MTMR3: variants seen among roughly 807,000 people sequenced by gnomAD.
MTMR3 encodes myotubularin related protein 3, also known as phosphatidylinositol-3,5-bisphosphate 3-phosphatase MTMR3.
MTMR3 carries 32 observed loss-of-function variants against 132.4 expected under a neutral mutation model. The ratio of observed to expected loss-of-function variants is 0.24; its 90% CI spans 0.18 to 0.32. The LOEUF (loss-of-function observed/expected upper bound fraction) is 0.32, where lower values mean the gene tolerates loss of function less well. MTMR3 is among the 10% of genes least tolerant of loss of function. The pLI, the probability that MTMR3 is intolerant of heterozygous loss-of-function variation, is 1.00. For synonymous variants in MTMR3, 556 were observed against 550.3 expected, an observed-to-expected ratio of 1.01 and a Z score of -0.14; for missense variants, 1,216 against 1,489.6, an observed-to-expected ratio of 0.82 and a Z score of 3.02.
At chr22:29,971,096 CAAAA>C (rs761904634) in intron 3 of MTMR3, 34 bp downstream of exon 3, 60 of 1,541,338 alleles carry the variant, frequency 3.9e-5, no homozygotes, top group Non-Finnish European at 5.1e-5. Flanking sequence ...AAAAAAAAAA[CAAAA>C]AACCCTGTGT....
intron 1 of MTMR3, among the ~76,000 whole-genome samples, chr22:29,955,556 T>A (rs2066171966): frequency 6.6e-6 from 1 of 152,194 alleles, no homozygotes; most frequent in Non-Finnish European, 1.5e-5. Flanking sequence ...ACAGTTCGTC[T>A]CTGAAGTTGC....
intron 12 of MTMR3, 30 bp from the exon 13 acceptor site, chr22:30,012,338 G>C: frequency 6.3e-7 from 1 of 1,594,072 alleles, no homozygotes; most frequent in Non-Finnish European, 8.5e-7. Flanking sequence ...AAAAAAATCA[G>C]CATTTTCTAA....
intron 15 of MTMR3, chr22:30,017,105 C>T (rs2067612874): frequency 1.2e-5 from 2 of 167,536 alleles, no homozygotes; most frequent in Admixed American, 1.1e-4. Flanking sequence ...ATGATACCCA[C>T]CAAAGCTTCT....
At chr22:29,966,811 A>G (rs1475112196) in intron 2 of MTMR3, among the ~76,000 whole-genome samples, 1 of 150,192 alleles carries the variant, frequency 6.7e-6, no homozygotes, top group Admixed American at 6.7e-5. Flanking sequence ...ATGTTTCTTT[A>G]TGAACTCATA....
intron 6 of MTMR3, 47 bp downstream of exon 6, chr22:29,988,609 T>C: frequency 1.4e-6 from 2 of 1,433,494 alleles, no homozygotes; most frequent in Non-Finnish European, 1.9e-6. Flanking sequence ...TGGAAAATAT[T>C]TTTTAAAGAA....
chr22:29,952,409 TG>T (rs57872070), intron 1 of MTMR3, among the ~76,000 whole-genome samples: 57,737 of 148,778 alleles, frequency 0.39, 13,436 homozygotes, highest in African/African-American at 0.65. Context: ...TGTGTGTGTG[TG>T]TTTTTTTTTT....
intron 9 of MTMR3, chr22:30,003,466 A>G (rs2067216097): frequency 6.6e-6 from 1 of 152,200 alleles, no homozygotes; most frequent in African/African-American, 2.4e-5. Flanking sequence ...AGGCATGACT[A>G]GATAGAAGAT....
intron 1 of MTMR3, among the ~76,000 whole-genome samples, chr22:29,925,745 C>T (rs1287039722): frequency 1.3e-5 from 2 of 151,834 alleles, no homozygotes; most frequent in African/African-American, 4.8e-5. Context: ...ACGAACCCGT[C>T]TCTACTAAAA....
intron 1 of MTMR3, among the ~76,000 whole-genome samples, chr22:29,897,152 A>T (rs1320958303): frequency 6.7e-6 from 1 of 149,978 alleles, no homozygotes; most frequent in Non-Finnish European, 1.5e-5. Flanking sequence ...GAATTGGCTC[A>T]CTGTAACCTC....
chr22:29,966,401 GTC>G (rs2066415503), intron 2 of MTMR3, among the ~76,000 whole-genome samples: 1 of 152,118 alleles, frequency 6.6e-6, no homozygotes, highest in African/African-American at 2.4e-5. Context: ...GGTCACTTAA[GTC>G]TCTCTTAATT....
In MTMR3 at chr22:30,028,711, CT is replaced by C. The variant is rs1242405023; in HGVS notation, c.*2913del. On this transcript the variant is annotated 3_prime_UTR_variant, in exon 20 of 20. Transcript: ENST00000401950. ...CTTTGGGGCAGTCTCTCTAGGGTCA[CT>C]TTCTGAATGTACCTTCTACCTAAAG... 6.6e-6 allele frequency: 1 copy of C among 152,376 alleles called. No individual in the cohort carries two copies. Among genetic ancestry groups the C allele is most frequent in the Non-Finnish European group, 1.5e-5 (1 of 68,046 alleles). 9.4% of individuals were successfully genotyped at this position (152,376 alleles called of 1,614,324 possible).
At chr22:30,008,262 C>G (rs1801059465) in intron 11 of MTMR3, 1 of 462,580 alleles carries the variant, frequency 2.2e-6, no homozygotes, top group African/African-American at 2.0e-5. Flanking sequence ...CTTGTGCCAA[C>G]TTGTAGGTGA....
chr22:30,021,834 T>C (rs892035188), intron 17 of MTMR3, 195 bp from the exon 18 acceptor site: 79 of 591,640 alleles, frequency 1.3e-4, no homozygotes, highest in Admixed American at 1.3e-3. Context: ...AACCTGTGTA[T>C]CCCTCTCCCA....
chr22:29,956,661 G>T (rs990516192), intron 1 of MTMR3, among the ~76,000 whole-genome samples: 1 of 152,174 alleles, frequency 6.6e-6, no homozygotes, highest in African/African-American at 2.4e-5. Context: ...TCCAAGCCTG[G>T]AGTGTCTGTG....
At position 29,988,507 on chromosome 22, in the gene MTMR3, G is replaced by T; in HGVS notation, c.238G>T (p.Glu80Ter). ...NVPLQLIESV[E>*]CRDIFQLHLT... ...TCCATTACAGCTTATAGAAAGTGTTGAATGCCGAGATATATTTCAGCTTCA... is the reference window on the plus strand; with the variant it reads ...TCCATTACAGCTTATAGAAAGTGTTTAATGCCGAGATATATTTCAGCTTCA... Residue 80 changes from glutamate (E) to a stop codon, truncating the protein, a stop_gained, in exon 6 of 20, where the codon GAA becomes TAA. Coordinates refer to ENST00000401950, the MANE Select transcript of MTMR3 (RefSeq NM_021090.4). LOFTEE classifies it high-confidence loss of function. The T allele has an allele frequency of 6.2e-7, 1 of 1,612,568 alleles. No homozygotes were observed. The highest frequency in any genetic ancestry group is 1.1e-5 in the South Asian group (1 of 90,906).
At chr22:29,888,585 T>A (rs2064725238) in intron 1 of MTMR3, among the ~76,000 whole-genome samples, 3 of 152,190 alleles carry the variant, frequency 2.0e-5, no homozygotes. Context: ...GAACTTATGC[T>A]GTAATAATAT....
intron 1 of MTMR3, among the ~76,000 whole-genome samples, chr22:29,891,089 GTGT>G (rs1418538275): frequency 6.6e-6 from 1 of 150,566 alleles, no homozygotes; most frequent in African/African-American, 2.4e-5. Context: ...ATAGGACTTC[GTGT>G]TGTTGCTTTG....
At chr22:29,927,869 A>AT (rs1450016717) in intron 1 of MTMR3, among the ~76,000 whole-genome samples, 1 of 151,520 alleles carries the variant, frequency 6.6e-6, no homozygotes, top group African/African-American at 2.4e-5. Context: ...TTTTTTTAAA[A>AT]TTTTTACCAC....
rs2067598230 is a variant in MTMR3 at position 30,016,614 on chromosome 22, G to A, written c.1590G>A (p.Gln530=). 2 of 1,614,086 alleles carry A rather than the reference G, an allele frequency of 1.2e-6. No homozygotes were observed. The highest frequency in any genetic ancestry group is 2.7e-5 in the African/African-American group (2 of 74,928). The change falls in exon 15 of 20, where the codon CAG becomes CAA. Residue 530 remains glutamine, a synonymous_variant. Transcript: ENST00000401950. ...AGGAGAGAGGGGAAAAGCATACTCA[G>A]GAACGGACATGTTCCGTGTGGTCAC... is the stretch of plus-strand genomic sequence containing the variant. ...NAKERGEKHT[Q]ERTCSVWSLL...
Sources: gnomAD v4.1 joint callset for allele counts (sites outside exome capture counted in the v4.1 genomes callset) on GRCh38, gnomAD v4.1.1 for gene constraint, MANE v1.5 for transcripts, NCBI Gene and HGNC (gene_info 2026-07-23, HGNC 2026-07-21) for gene names.